SGTB: variants seen among roughly 807,000 people sequenced by gnomAD.
SGTB encodes the protein small glutamine-rich tetratricopeptide repeat-containing protein beta.
A neutral mutation model predicts 43.9 loss-of-function variants in SGTB; 19 were observed. The ratio of observed to expected loss-of-function variants is 0.43; its 90% CI spans 0.30 to 0.63. SGTB has a LOEUF of 0.63. Among genes scored for constraint, SGTB ranks in the 30% least tolerant of loss-of-function variants. SGTB has a pLI of 0.12. For missense variants in SGTB, 304 were observed against 358.9 expected (o/e 0.85, Z 1.24); for synonymous variants, 116 against 117.3 (o/e 0.99, Z 0.07).
chr5:65,708,650 T>A, intron 3 of SGTB, 92 bp from the exon 4 acceptor site: 1 of 961,944 alleles, frequency 1.0e-6, no homozygotes, highest in Non-Finnish European at 1.5e-6. Context: ...ACCCACATTT[T>A]AAATCATCTG....
At chr5:65,702,231 A>C (rs1366555648) in intron 5 of SGTB, among the ~76,000 whole-genome samples, 2 of 152,220 alleles carry the variant, frequency 1.3e-5, no homozygotes, top group African/African-American at 4.8e-5. Flanking sequence ...CTGAAGGACA[A>C]AGTACAAAGT....
intron 5 of SGTB, among the ~76,000 whole-genome samples, chr5:65,703,393 G>A (rs753507495): frequency 7.2e-5 from 11 of 152,194 alleles, no homozygotes; most frequent in Non-Finnish European, 1.5e-4. Flanking sequence ...TAAAACCAGT[G>A]AACAAAGGTG....
chr5:65,700,195 G>T (rs961512879), intron 5 of SGTB, among the ~76,000 whole-genome samples: 1 of 152,172 alleles, frequency 6.6e-6, no homozygotes, highest in Non-Finnish European at 1.5e-5. Flanking sequence ...CAGGTATACT[G>T]TCTTATCTTC....
intron 8 of SGTB, among the ~76,000 whole-genome samples, chr5:65,676,455 CAA>C (rs1055090192): frequency 9.8e-5 from 15 of 152,294 alleles, no homozygotes; most frequent in African/African-American, 3.6e-4. Context: ...TCGAGAGCTT[CAA>C]AGAGACTAGA....
At chr5:65,689,179 A>G (rs1227752389) in intron 5 of SGTB, among the ~76,000 whole-genome samples, 1 of 152,236 alleles carries the variant, frequency 6.6e-6, no homozygotes, top group Non-Finnish European at 1.5e-5. Context: ...TTCCCAAAAC[A>G]CTAGTCATTC....
intron 8 of SGTB, among the ~76,000 whole-genome samples, chr5:65,673,012 A>C (rs1485762582): frequency 6.6e-6 from 1 of 152,200 alleles, no homozygotes; most frequent in African/African-American, 2.4e-5. Context: ...GAAAAGCAGG[A>C]TGTATGAGCT....
chr5:65,714,927 G>C (rs999309587), intron 2 of SGTB, among the ~76,000 whole-genome samples: 4 of 152,206 alleles, frequency 2.6e-5, no homozygotes, highest in Admixed American at 6.5e-5. Flanking sequence ...AATTTAGTGA[G>C]GGAGAATAAC....
Position 65,704,294 on chromosome 5 carries a change from A to G in SGTB, c.359T>C (p.Val120Ala). 6.2e-7 allele frequency: 1 copy of G among 1,605,136 alleles called. No homozygotes were observed. Among genetic ancestry groups the G allele is most frequent in the African/African-American group, 1.3e-5 (1 of 74,604 alleles). The change falls in exon 5 of 11, where the codon GTT (valine) becomes GCT (alanine). Residue 120 changes from valine to alanine, a missense_variant. Transcript: ENST00000381007. ...GCTAGTTTACCTGTTGCAATAGTAA[A>G]CTGCATTATTGGGATCCAATTCTAT... The part of the protein sequence containing the change: ...QAIELDPNNA[V>A]YYCNRAAAQS...
At chr5:65,671,412 C>T (rs76591726) in intron 10 of SGTB, among the ~76,000 whole-genome samples, 2,263 of 152,198 alleles carry the variant, frequency 0.015, 53 homozygotes, top group African/African-American at 0.052. Flanking sequence ...GCTGACAACA[C>T]AATCAAGTAA....
In SGTB at chr5:65,715,534, C is replaced by T. The variant is rs78752862; in HGVS notation, c.101-2470G>A. ...ATCCAAACCAACTAAGGGAAATGCCCGAGACCATTGGATTCAATTCAACAA... is the reference window on the plus strand; with the variant it reads ...ATCCAAACCAACTAAGGGAAATGCCTGAGACCATTGGATTCAATTCAACAA... On this transcript the variant is annotated intron_variant, in intron 2 of 10. Coordinates refer to ENST00000381007, the MANE Select transcript of SGTB (RefSeq NM_019072.3). 7.5e-3 allele frequency among the ~76,000 whole-genome samples: 1,149 copies of T among 152,300 alleles called. 19 individuals carry two copies. The highest frequency in any genetic ancestry group is 0.026 in the African/African-American group (1,085 of 41,570).
At chr5:65,675,156 G>A (rs1299779978) in intron 8 of SGTB, among the ~76,000 whole-genome samples, 5 of 152,122 alleles carry the variant, frequency 3.3e-5, no homozygotes, top group Admixed American at 3.3e-4. Flanking sequence ...ACCACATATT[G>A]GACCAGAGCG....
At position 65,718,783 on chromosome 5, in the gene SGTB, T is replaced by G. The variant is rs557393987; in HGVS notation, c.100+1925A>C. 1.1e-4 allele frequency among the ~76,000 whole-genome samples: 16 copies of G among 152,210 alleles called. No individual in the cohort carries two copies. In the South Asian group the frequency reaches 3.1e-3, roughly 30 times the overall value. On this transcript the variant is annotated intron_variant, in intron 2 of 10. Coordinates refer to ENST00000381007, the MANE Select transcript of SGTB (RefSeq NM_019072.3). Reference sequence around the variant, plus strand: ...ATTGGCACCCTTTCTGACTGCCATATATAACAAACAGCTGAAGGCACATAT... The same window carrying G: ...ATTGGCACCCTTTCTGACTGCCATAGATAACAAACAGCTGAAGGCACATAT...
At chr5:65,670,803 C>G (rs1757139928) in intron 10 of SGTB, among the ~76,000 whole-genome samples, 1 of 152,178 alleles carries the variant, frequency 6.6e-6, no homozygotes, top group Non-Finnish European at 1.5e-5. Context: ...ATGTGACCCT[C>G]TATTGCCAGT....
At chr5:65,703,919 T>C (rs1463277353) in intron 5 of SGTB, among the ~76,000 whole-genome samples, 1 of 148,664 alleles carries the variant, frequency 6.7e-6, no homozygotes, top group Non-Finnish European at 1.5e-5. Context: ...GCGCCTGTAG[T>C]CCCGGCTACT....
At chr5:65,675,610 C>T (rs996216495) in intron 8 of SGTB, among the ~76,000 whole-genome samples, 2 of 152,130 alleles carry the variant, frequency 1.3e-5, no homozygotes, top group African/African-American at 4.8e-5. Flanking sequence ...GGCCAGGCCA[C>T]CTACAAAGGG....
At chr5:65,685,646 G>A (rs910197879) in intron 5 of SGTB, among the ~76,000 whole-genome samples, 174 bp from the exon 6 acceptor site, 6 of 151,926 alleles carry the variant, frequency 3.9e-5, no homozygotes, top group Non-Finnish European at 8.8e-5. Context: ...AAAAAGCTCA[G>A]AAACTTCTGT....
intron 2 of SGTB, among the ~76,000 whole-genome samples, chr5:65,713,516 C>T (rs1422593468): frequency 6.6e-6 from 1 of 151,928 alleles, no homozygotes; most frequent in Non-Finnish European, 1.5e-5. Context: ...CAGGGTCTTG[C>T]CAGGTTGCCC....
chr5:65,706,305 T>C (rs1440650456), intron 4 of SGTB, among the ~76,000 whole-genome samples: 4 of 152,208 alleles, frequency 2.6e-5, no homozygotes, highest in South Asian at 2.1e-4. Context: ...TTGATTTCCA[T>C]GTCAAACATT....
In SGTB at chr5:65,685,469, A is replaced by G. The variant is rs1757480730; in HGVS notation, c.378T>C (p.Ala126=). The G allele has an allele frequency of 6.2e-7, 1 of 1,612,898 alleles. No individual in the cohort carries two copies. The highest frequency in any genetic ancestry group is 1.1e-5 in the South Asian group (1 of 90,856). The stretch of plus-strand genomic sequence containing the variant: ...AGTGACCTAATTTGCTCTGAGCAGC[A>G]GCCCTAAGAGAAAGAAAACAGAATT... The part of the protein sequence containing the change: ...PNNAVYYCNR[A]AAQSKLGHYT... Residue 126 remains alanine (A), a synonymous_variant, in exon 6 of 11, where the codon GCT becomes GCC. Coordinates refer to ENST00000381007, the MANE Select transcript of SGTB (RefSeq NM_019072.3).
Sources: gnomAD v4.1 joint callset for allele counts (sites outside exome capture counted in the v4.1 genomes callset) on GRCh38, gnomAD v4.1.1 for gene constraint, MANE v1.5 for transcripts, NCBI Gene and HGNC (gene_info 2026-07-23, HGNC 2026-07-21) for gene names.